MCTP2: variants seen among roughly 807,000 people sequenced by gnomAD.
MCTP2 encodes multiple C2 and transmembrane domain containing 2.
Under a neutral mutation model 111.6 loss-of-function variants are expected in MCTP2, and 132 were observed. The ratio of observed to expected loss-of-function variants is 1.18; its 90% confidence interval spans 1.03 to 1.37. The LOEUF (loss-of-function observed/expected upper bound fraction) is 1.37, where lower values mean the gene tolerates loss of function less well. Ranked by LOEUF, MCTP2 falls within the 40% of genes most tolerant of loss-of-function variation. The pLI is 0.00. For missense variants in MCTP2, 1,183 were observed against 1,067.9 expected (o/e 1.11, Z -1.50); for synonymous variants, 395 against 387.7 (o/e 1.02, Z -0.22).
At chr15:94,426,803 A>G (rs1029969754) in intron 17 of MCTP2, among the ~76,000 whole-genome samples, 1 of 152,182 alleles carries the variant, frequency 6.6e-6, no homozygotes, top group African/African-American at 2.4e-5. Flanking sequence ...CATTTAGAAT[A>G]TAGCAAGTCA....
At chr15:94,355,047 G>C (rs1409530401) in intron 8 of MCTP2, among the ~76,000 whole-genome samples, 1 of 152,216 alleles carries the variant, frequency 6.6e-6, no homozygotes, top group Non-Finnish European at 1.5e-5. Context: ...CAACGTAAAT[G>C]AACTCTGCTA....
chr15:94,374,853 G>C (rs752959730), intron 12 of MCTP2, among the ~76,000 whole-genome samples: 2 of 152,096 alleles, frequency 1.3e-5, no homozygotes, highest in Non-Finnish European at 2.9e-5. Context: ...AATCAGAGCA[G>C]CCCTCCACGC....
chr15:94,363,810 C>G (rs1017611249), intron 10 of MCTP2, among the ~76,000 whole-genome samples: 1 of 152,024 alleles, frequency 6.6e-6, no homozygotes, highest in Non-Finnish European at 1.5e-5. Context: ...ACCTTCTGAA[C>G]GACTGTCCAA....
intron 16 of MCTP2, among the ~76,000 whole-genome samples, chr15:94,400,887 G>C (rs569191983): frequency 6.6e-6 from 1 of 152,102 alleles, no homozygotes; most frequent in East Asian, 1.9e-4. Context: ...TCTTCTGAGG[G>C]GAAGCCTCCA....
At chr15:94,431,193 TGACAA>T in intron 17 of MCTP2, among the ~76,000 whole-genome samples, 1 of 152,154 alleles carries the variant, frequency 6.6e-6, no homozygotes, top group Non-Finnish European at 1.5e-5. Flanking sequence ...AATAAAGTAG[TGACAA>T]GAAGATGAAT....
intron 17 of MCTP2, among the ~76,000 whole-genome samples, chr15:94,431,236 A>G (rs886417804): frequency 1.3e-5 from 2 of 152,236 alleles, no homozygotes; most frequent in South Asian, 2.1e-4. Context: ...GGGATAGAAC[A>G]TTATAAGTGA....
At chr15:94,466,423 CCTTT>C (rs1415906276) in intron 20 of MCTP2, among the ~76,000 whole-genome samples, 1 of 152,086 alleles carries the variant, frequency 6.6e-6, no homozygotes, top group African/African-American at 2.4e-5. Flanking sequence ...CAATCTAGGT[CCTTT>C]CTTAAATTTT....
intron 17 of MCTP2, among the ~76,000 whole-genome samples, chr15:94,416,557 C>T (rs1292619570): frequency 6.6e-6 from 1 of 152,132 alleles, no homozygotes; most frequent in Non-Finnish European, 1.5e-5. Context: ...AATGTTTCAT[C>T]TGTATATAAA....
intron 1 of MCTP2, among the ~76,000 whole-genome samples, chr15:94,258,502 T>A (rs1230803387): frequency 6.6e-6 from 1 of 152,166 alleles, no homozygotes; most frequent in Non-Finnish European, 1.5e-5. Context: ...TGGTGTAGTT[T>A]GTAAATGTAA....
chr15:94,263,414 A>G (rs1025498106), intron 1 of MCTP2, among the ~76,000 whole-genome samples: 1 of 152,212 alleles, frequency 6.6e-6, no homozygotes, highest in Non-Finnish European at 1.5e-5. Flanking sequence ...CACCCTATTA[A>G]TAGATAATGG....
chr15:94,304,801 C>A (rs1301365736), intron 2 of MCTP2, among the ~76,000 whole-genome samples: 6 of 152,174 alleles, frequency 3.9e-5, no homozygotes, highest in Non-Finnish European at 8.8e-5. Flanking sequence ...CCACCTTTAT[C>A]CATCTCTGTG....
intron 2 of MCTP2, among the ~76,000 whole-genome samples, chr15:94,299,548 A>T (rs376043775): frequency 6.6e-6 from 1 of 152,326 alleles, no homozygotes; most frequent in East Asian, 1.9e-4. Flanking sequence ...ACCAAATATA[A>T]TGATGACACA....
chr15:94,343,817 T>G (rs2077800135), intron 7 of MCTP2: 1 of 152,190 alleles, frequency 6.6e-6, no homozygotes, highest in East Asian at 1.9e-4. Context: ...ATTGAAATTA[T>G]CAAATATGGT....
At chr15:94,308,231 A>G (rs1299149791) in intron 2 of MCTP2, among the ~76,000 whole-genome samples, 1 of 152,130 alleles carries the variant, frequency 6.6e-6, no homozygotes, top group Non-Finnish European at 1.5e-5. Flanking sequence ...TTTTAGGTAT[A>G]TTTTTCAAGG....
intron 14 of MCTP2, among the ~76,000 whole-genome samples, chr15:94,393,272 A>G (rs1234176788): frequency 6.6e-6 from 1 of 152,228 alleles, no homozygotes; most frequent in Non-Finnish European, 1.5e-5. Context: ...AAAAATGATA[A>G]TGTCTAAGAT....
chr15:94,416,316 A>G (rs1290844875), intron 17 of MCTP2, among the ~76,000 whole-genome samples: 2 of 151,984 alleles, frequency 1.3e-5, no homozygotes, highest in African/African-American at 4.8e-5. Flanking sequence ...TTTTCGGCTG[A>G]CGGCACTGTA....
intron 4 of MCTP2, among the ~76,000 whole-genome samples, chr15:94,322,298 T>A (rs1197677612): frequency 8.1e-6 from 1 of 124,154 alleles, no homozygotes; most frequent in African/African-American, 2.5e-5. Context: ...CCCCTGTTTT[T>A]GAATTTTTTT....
At chr15:94,271,855 A>G (rs1036170899) in intron 1 of MCTP2, among the ~76,000 whole-genome samples, 1 of 152,200 alleles carries the variant, frequency 6.6e-6, no homozygotes, top group Non-Finnish European at 1.5e-5. Flanking sequence ...GTTGTTCTAA[A>G]TTAGTGTTTC....
intron 19 of MCTP2, among the ~76,000 whole-genome samples, chr15:94,452,166 T>C (rs1475167392): frequency 6.6e-6 from 1 of 152,216 alleles, no homozygotes; most frequent in African/African-American, 2.4e-5. Context: ...CAGTTTCCTA[T>C]ACATGGAAAT....
Sources: allele counts gnomAD v4.1 joint callset (sites outside exome capture counted in the v4.1 genomes callset), GRCh38; gene constraint gnomAD v4.1.1; transcripts MANE v1.5; gene names NCBI Gene and HGNC (gene_info 2026-07-23, HGNC 2026-07-21).